The following QNG1 variants were observed in gnomAD, a reference collection of about 807,000 sequenced individuals.
QNG1 encodes the protein Q-nucleotide N-glycosylase 1.
At chr9:83,954,234 A>T in the QNG1 span, among the ~76,000 whole-genome samples, 1 of 152,060 alleles carries the variant, frequency 6.6e-6, no homozygotes, top group South Asian at 2.1e-4. Context: ...ATACATTCTG[A>T]TCTTCAACCA....
the QNG1 span, chr9:83,956,027 T>A: frequency 1.3e-6 from 1 of 769,696 alleles, no homozygotes; most frequent in South Asian, 1.7e-5. Flanking sequence ...ATTTTAAGCA[T>A]AAGGACTTGC....
the QNG1 span, among the ~76,000 whole-genome samples, chr9:83,950,049 A>T: frequency 5.8e-4 from 79 of 136,972 alleles, no homozygotes; most frequent in Admixed American, 5.7e-3. Context: ...ACATTTTCCT[A>T]TTTTTTTTTT....
At chr9:83,944,467 G>C in the QNG1 span, among the ~76,000 whole-genome samples, 1 of 152,130 alleles carries the variant, frequency 6.6e-6, no homozygotes, top group Non-Finnish European at 1.5e-5. Flanking sequence ...TAACCATGTA[G>C]TGTGCTCTTC....
At chr9:83,953,533 A>G in the QNG1 span, 1 of 306,594 alleles carries the variant, frequency 3.3e-6, no homozygotes, top group African/African-American at 2.2e-5. Context: ...TTTTTAGTAG[A>G]GACGGGGTTT....
At chr9:83,943,677 A>C in the QNG1 span, among the ~76,000 whole-genome samples, 184 of 152,318 alleles carry the variant, frequency 1.2e-3, 1 homozygote, top group African/African-American at 4.1e-3. Flanking sequence ...TGGGGGATTC[A>C]AATCTATTTC....
At chr9:83,940,540 C>G in the QNG1 span, among the ~76,000 whole-genome samples, 1 of 152,108 alleles carries the variant, frequency 6.6e-6, no homozygotes, top group Non-Finnish European at 1.5e-5. Context: ...GAGTAGGACT[C>G]ATGGACCCAT....
At chr9:83,949,292 T>C in the QNG1 span, among the ~76,000 whole-genome samples, 7 of 152,330 alleles carry the variant, frequency 4.6e-5, no homozygotes, top group African/African-American at 1.7e-4. Flanking sequence ...TGTTCCTCTA[T>C]ATAAACTGGA....
chr9:83,953,346 C>CT, the QNG1 span, among the ~76,000 whole-genome samples: 2,624 of 143,848 alleles, frequency 0.018, 76 homozygotes, highest in African/African-American at 0.057. Flanking sequence ...CAATTGAATT[C>CT]TTTTTTTTTT....
chr9:83,945,726 C>T, the QNG1 span, among the ~76,000 whole-genome samples: 7 of 152,042 alleles, frequency 4.6e-5, no homozygotes, highest in African/African-American at 1.2e-4. Context: ...CTCAGCCTCC[C>T]GAGTAGCTGG....
chr9:83,953,499 C>A, the QNG1 span: 1 of 233,144 alleles, frequency 4.3e-6, no homozygotes, highest in African/African-American at 2.3e-5. Context: ...AGGCACCCAC[C>A]ACCACACCCG....
chr9:83,942,745 A>G, the QNG1 span, among the ~76,000 whole-genome samples: 1 of 152,250 alleles, frequency 6.6e-6, no homozygotes, highest in Non-Finnish European at 1.5e-5. Context: ...AAGTGGCAAA[A>G]GAATTTGTCC....
the QNG1 span, chr9:83,939,666 C>T: frequency 1.2e-6 from 2 of 1,614,176 alleles, no homozygotes; most frequent in South Asian, 2.2e-5. Flanking sequence ...AGAAGACAAT[C>T]CCGGATCAGC....
the QNG1 span, chr9:83,956,707 G>T: frequency 2.3e-6 from 1 of 437,862 alleles, no homozygotes; most frequent in East Asian, 3.5e-5. Context: ...GAGAGACCCC[G>T]GGGCAGCTCG....
chr9:83,953,811 T>C, the QNG1 span: 1 of 1,549,140 alleles, frequency 6.5e-7, no homozygotes, highest in South Asian at 1.2e-5. Context: ...CCTGTGAGGG[T>C]CCAACAAAAT....
chr9:83,946,319 A>T, the QNG1 span, among the ~76,000 whole-genome samples: 10 of 151,412 alleles, frequency 6.6e-5, no homozygotes, highest in African/African-American at 1.7e-4. Flanking sequence ...AATAATAATT[A>T]AAAAAAAATA....
At chr9:83,953,733 C>CTGCA in the QNG1 span, 2 of 1,366,398 alleles carry the variant, frequency 1.5e-6, no homozygotes, top group Middle Eastern at 1.8e-4. Flanking sequence ...TCTCGGCTCA[C>CTGCA]TGCAACCTCC....
the QNG1 span, among the ~76,000 whole-genome samples, chr9:83,948,628 C>G: frequency 6.6e-6 from 1 of 151,970 alleles, no homozygotes; most frequent in Admixed American, 6.5e-5. Context: ...GCCATGATGA[C>G]GATGGCGGTT....
the QNG1 span, among the ~76,000 whole-genome samples, chr9:83,944,088 G>T: frequency 6.6e-6 from 1 of 152,188 alleles, no homozygotes; most frequent in African/African-American, 2.4e-5. Flanking sequence ...TTGGAAGGCT[G>T]AAGTGAGAAG....
At chr9:83,942,038 G>A in the QNG1 span, among the ~76,000 whole-genome samples, 2 of 152,206 alleles carry the variant, frequency 1.3e-5, no homozygotes, top group Non-Finnish European at 2.9e-5. Context: ...CTGGAAAGAG[G>A]CAAGGTAGAA....
Sources: allele counts gnomAD v4.1 joint callset (sites outside exome capture counted in the v4.1 genomes callset), GRCh38; gene constraint gnomAD v4.1.1; transcripts MANE v1.5; gene names NCBI Gene and HGNC (gene_info 2026-07-23, HGNC 2026-07-21).